The following PBX3 variants were observed in gnomAD, a reference collection of about 807,000 sequenced individuals.
PBX3 encodes the protein PBX homeobox 3, also known as pre-B-cell leukemia transcription factor 3.
In PBX3, 14 loss-of-function variants were observed where a neutral mutation model predicts 48.5. The observed-to-expected ratio is 0.29, with a 90% CI of 0.19 to 0.45. PBX3 has a LOEUF of 0.45. Ranked by LOEUF, PBX3 falls within the 20% of genes least tolerant of loss-of-function variation. The probability of loss-of-function intolerance (pLI) is 1.00; values close to 1 mark genes in which losing one functional copy is unlikely to be tolerated. For missense variants in PBX3, 386 were observed against 546.7 expected, an observed-to-expected ratio of 0.71 and a Z score of 2.93; for synonymous variants, 210 against 200.3, an observed-to-expected ratio of 1.05 and a Z score of -0.41.
In PBX3 at chr9:125,963,078, C is replaced by T. The variant is rs76165119; in HGVS notation, c.1189C>T (p.Leu397=). 1 of 1,602,280 alleles carries T rather than the reference C, an allele frequency of 6.2e-7. No individual in the cohort carries two copies. Among genetic ancestry groups the T allele is most frequent in the African/African-American group, 1.3e-5 (1 of 74,766 alleles). Residue 397 remains leucine, a synonymous_variant, in exon 8 of 9, where the codon CTG becomes TTG. Coordinates refer to ENST00000373489, the MANE Select transcript of PBX3 (RefSeq NM_006195.6). ...GYSDGLGGNS[L]YSPHNLNANG... is the part of the protein sequence containing the mutation. ...CAGTGATGGCCTTGGAGGAAATTCA[C>T]TGTACAGTCCACATAATTTAAATGT...
chr9:125,920,177 C>G (rs570803219), intron 3 of PBX3, among the ~76,000 whole-genome samples: 1 of 152,150 alleles, frequency 6.6e-6, no homozygotes, highest in Admixed American at 6.5e-5. Flanking sequence ...CCAAAACTTG[C>G]GGCAAACTGT....
chr9:125,943,352 C>CAAAA lies in PBX3; in HGVS notation c.843+7789_843+7792dup, dbSNP rs60326557. On this transcript the variant is annotated intron_variant, in intron 5 of 8. Transcript: ENST00000373489. ...CTTGGGCTGCAGAGTGAGACTGTCT[C>CAAAA]AAAAAAAAAAAAAAAAAAAAAAAAA... Among the ~76,000 whole-genome samples, 10 of 60,880 alleles carry CAAAA rather than the reference C, an allele frequency of 1.6e-4. 1 individual carries two copies. The highest frequency in any genetic ancestry group is 2.9e-4 in the Non-Finnish European group (9 of 31,360). The allele number at this position is 60,880 out of a possible 152,430, so 39.9% of individuals were successfully genotyped here. A position where few individuals can be genotyped will look rare whatever the true frequency, so the allele number is the denominator to read the frequency against.
chr9:125,945,518 T>C (rs1010350251), intron 5 of PBX3, among the ~76,000 whole-genome samples: 1 of 152,326 alleles, frequency 6.6e-6, no homozygotes, highest in Admixed American at 6.5e-5. Flanking sequence ...TCTCATAACT[T>C]CTTTTCCCCA....
chr9:125,877,828 G>T (rs1194598305), intron 2 of PBX3, among the ~76,000 whole-genome samples: 2 of 152,166 alleles, frequency 1.3e-5, no homozygotes, highest in Non-Finnish European at 2.9e-5. Flanking sequence ...GGGCACTGGG[G>T]CAGTTTGTTG....
intron 2 of PBX3, among the ~76,000 whole-genome samples, chr9:125,863,830 A>G (rs1839919728): frequency 6.6e-6 from 1 of 152,014 alleles, no homozygotes; most frequent in Admixed American, 6.6e-5. Context: ...CTTTTTACTA[A>G]TCATACCTGA....
At chr9:125,825,144 C>T (rs1163925400) in intron 2 of PBX3, among the ~76,000 whole-genome samples, 3 of 152,034 alleles carry the variant, frequency 2.0e-5, no homozygotes, top group Admixed American at 6.5e-5. Context: ...ATTGGCTGGG[C>T]GTGGTGGCAT....
chr9:125,810,470 AG>A (rs1838257670), intron 2 of PBX3, among the ~76,000 whole-genome samples: 1 of 151,554 alleles, frequency 6.6e-6, no homozygotes, highest in African/African-American at 2.4e-5. Flanking sequence ...GTTCCCTATA[AG>A]GTCTGTCTTT....
chr9:125,967,131 A>C lies in PBX3; in HGVS notation c.*1208A>C, dbSNP rs1437067461. 2 of 150,048 alleles carry C rather than the reference A, an allele frequency of 1.3e-5. No individual in the cohort carries two copies. Among genetic ancestry groups the C allele is most frequent in the Non-Finnish European group, 3.0e-5 (2 of 67,722 alleles). The allele number at this position is 150,048 out of a possible 1,614,324, so 9.3% of individuals were successfully genotyped here. On this transcript the variant is annotated 3_prime_UTR_variant, in exon 9 of 9. Transcript: ENST00000373489. ...CAGCGACTAATTGTGATGCATTCAG[A>C]TTTCAGTATTCAGTACTGTATATTT... is the stretch of plus-strand genomic sequence containing the variant.
chr9:125,842,320 A>G (rs887713739), intron 2 of PBX3, among the ~76,000 whole-genome samples: 2 of 152,182 alleles, frequency 1.3e-5, no homozygotes, highest in Non-Finnish European at 2.9e-5. Flanking sequence ...CAGTGAATCC[A>G]TTCTGGCTCT....
At chr9:125,804,878 C>T (rs913657225) in intron 2 of PBX3, among the ~76,000 whole-genome samples, 3 of 150,226 alleles carry the variant, frequency 2.0e-5, no homozygotes, top group Non-Finnish European at 2.9e-5. Context: ...ACCTGGGAGA[C>T]GGAGGTTGCT....
intron 2 of PBX3, among the ~76,000 whole-genome samples, chr9:125,874,445 C>T (rs925730277): frequency 2.0e-5 from 3 of 152,056 alleles, no homozygotes; most frequent in Non-Finnish European, 4.4e-5. Flanking sequence ...CAAAATGTTG[C>T]CAAAGTGAGT....
intron 2 of PBX3, among the ~76,000 whole-genome samples, chr9:125,795,238 G>C (rs1837745226): frequency 6.6e-6 from 1 of 152,220 alleles, no homozygotes; most frequent in African/African-American, 2.4e-5. Flanking sequence ...GTATTCTGAG[G>C]TGCATTGTCT....
chr9:125,892,193 G>A (rs553807872), intron 2 of PBX3, among the ~76,000 whole-genome samples: 2 of 152,236 alleles, frequency 1.3e-5, no homozygotes, highest in South Asian at 4.1e-4. Context: ...AAAGTGCTGG[G>A]ATTAGAGGCA....
chr9:125,795,225 A>G (rs1588153462), intron 2 of PBX3, among the ~76,000 whole-genome samples: 1 of 152,220 alleles, frequency 6.6e-6, no homozygotes, highest in Non-Finnish European at 1.5e-5. Context: ...GCAGGATTGA[A>G]GTGTATTCTG....
intron 2 of PBX3, among the ~76,000 whole-genome samples, chr9:125,771,380 A>G (rs1292652610): frequency 6.6e-6 from 1 of 152,194 alleles, no homozygotes; most frequent in Non-Finnish European, 1.5e-5. Context: ...GAGAAGTTTC[A>G]ATGGTTATTT....
intron 2 of PBX3, among the ~76,000 whole-genome samples, chr9:125,801,347 A>G (rs1837939051): frequency 6.6e-6 from 1 of 152,206 alleles, no homozygotes; most frequent in Non-Finnish European, 1.5e-5. Flanking sequence ...TATAAGACAC[A>G]GCACTGTTTA....
At chr9:125,891,425 T>A (rs1167639997) in intron 2 of PBX3, among the ~76,000 whole-genome samples, 1 of 152,232 alleles carries the variant, frequency 6.6e-6, no homozygotes, top group African/African-American at 2.4e-5. Context: ...TTCAGTCAAA[T>A]GGACAGTATT....
chr9:125,965,857 A>C lies in PBX3; in HGVS notation c.1239A>C (p.Thr413=), dbSNP rs1396633624. The C allele has an allele frequency of 6.2e-6, 10 of 1,614,030 alleles. No individual in the cohort carries two copies. Among genetic ancestry groups the C allele is most frequent in the Non-Finnish European group, 7.6e-6 (9 of 1,179,992 alleles). ...CTAATGGAGGCTGGCAGGACGCAAC[A>C]ACTCCATCTTCTGTGACTTCTCCTA... The part of the protein sequence containing the change: ...LNANGGWQDA[T]TPSSVTSPTE... The change falls in exon 9 of 9, where the codon ACA becomes ACC. Residue 413 remains threonine, a synonymous_variant. Transcript: ENST00000373489.
intron 2 of PBX3, among the ~76,000 whole-genome samples, chr9:125,788,592 G>T (rs947320951): frequency 6.6e-6 from 1 of 151,736 alleles, no homozygotes; most frequent in Admixed American, 6.6e-5. Flanking sequence ...CTTGCTGTGG[G>T]CCGGGCATGG....
Sources: gnomAD v4.1 joint callset for allele counts (sites outside exome capture counted in the v4.1 genomes callset) on GRCh38, gnomAD v4.1.1 for gene constraint, MANE v1.5 for transcripts, NCBI Gene and HGNC (gene_info 2026-07-23, HGNC 2026-07-21) for gene names.